The following ZFYVE28 variants were observed in gnomAD, a reference collection of about 807,000 sequenced individuals.
ZFYVE28 encodes the protein lateral signaling target protein 2 homolog.
ZFYVE28 carries 40 observed loss-of-function variants against 82.1 expected under a neutral mutation model. The ratio of observed to expected loss-of-function variants is 0.49; its 90% CI spans 0.38 to 0.63. ZFYVE28 has a LOEUF of 0.63. Ranked by LOEUF, ZFYVE28 falls within the 30% of genes least tolerant of loss-of-function variation. The pLI is 0.00. For missense variants in ZFYVE28, 1,321 were observed against 1,242.1 expected (o/e 1.06, Z -0.96); for synonymous variants, 612 against 546.1 (o/e 1.12, Z -1.68).
chr4:2,409,706 G>A lies in ZFYVE28; in HGVS notation c.39+8579C>T, dbSNP rs1264013074. Among the ~76,000 whole-genome samples, 1 of 152,254 alleles carries A rather than the reference G, an allele frequency of 6.6e-6. No individual in the cohort carries two copies. Among genetic ancestry groups the A allele is most frequent in the Non-Finnish European group, 1.5e-5 (1 of 68,052 alleles). On this transcript the variant is annotated intron_variant, in intron 1 of 12. Coordinates refer to ENST00000290974, the MANE Select transcript of ZFYVE28 (RefSeq NM_020972.3). This position sits in a 1 kb window ranked among gnomAD's most constrained non-coding sequence, Gnocchi z 4.4. ...ACACCCACGGTGGGGTGGGGGGGCTGACCCCTGCGGGCAGCTCTGTGGGAG... is the reference window on the plus strand; with the variant it reads ...ACACCCACGGTGGGGTGGGGGGGCTAACCCCTGCGGGCAGCTCTGTGGGAG...
intron 1 of ZFYVE28, among the ~76,000 whole-genome samples, chr4:2,385,453 G>A (rs1030392322): frequency 3.3e-5 from 5 of 152,198 alleles, no homozygotes; most frequent in African/African-American, 9.7e-5. Context: ...TCCTGACCCC[G>A]GCCTGCCAAA....
At chr4:2,384,715 T>C (rs910055879) in intron 1 of ZFYVE28, among the ~76,000 whole-genome samples, 1 of 152,162 alleles carries the variant, frequency 6.6e-6, no homozygotes, top group Non-Finnish European at 1.5e-5. Flanking sequence ...AGCCAAGACT[T>C]GTGAACAAAT....
At chr4:2,336,576 CT>C (rs1721734009) in intron 5 of ZFYVE28, among the ~76,000 whole-genome samples, 1 of 151,054 alleles carries the variant, frequency 6.6e-6, no homozygotes, top group African/African-American at 2.4e-5. Flanking sequence ...CCCCCACTCC[CT>C]AAAAAAGAAA....
At chr4:2,380,948 G>C (rs921442455) in intron 1 of ZFYVE28, among the ~76,000 whole-genome samples, 1 of 152,168 alleles carries the variant, frequency 6.6e-6, no homozygotes, top group Non-Finnish European at 1.5e-5. Flanking sequence ...CAGTACAGTG[G>C]GGTATTGCTG....
intron 8 of ZFYVE28, among the ~76,000 whole-genome samples, chr4:2,284,527 G>T (rs920357185): frequency 3.2e-4 from 49 of 152,296 alleles, no homozygotes; most frequent in African/African-American, 1.2e-3. Context: ...CCCAAGATGG[G>T]CTGAGCACAG....
At position 2,305,360 on chromosome 4, in the gene ZFYVE28, G is replaced by C; in HGVS notation, c.980C>G (p.Pro327Arg). 1.9e-6 allele frequency: 3 copies of C among 1,612,736 alleles called. No individual in the cohort carries two copies. The highest frequency in any genetic ancestry group is 2.5e-6 in the Non-Finnish European group (3 of 1,179,738). The change falls in exon 8 of 13, where the codon CCG becomes CGG. Residue 327 changes from proline to arginine, a missense_variant. Pro to Arg is a moderately radical substitution (Grantham distance 103, BLOSUM62 -2). Transcript: ENST00000290974. ...CATGGAGCAGGCCAGCTCTGCATCC[G>C]GGTCTTTGGCCTTAGCTGAGAGTGG... ...EGPLSAKAKD[P>R]DAELACSMQY...
intron 6 of ZFYVE28, among the ~76,000 whole-genome samples, chr4:2,329,640 G>A (rs1329860193): frequency 6.6e-6 from 1 of 152,128 alleles, no homozygotes; most frequent in East Asian, 1.9e-4. Context: ...AAAGAAGAAT[G>A]TTTATTGCTT....
intron 6 of ZFYVE28, chr4:2,330,506 G>T: frequency 3.5e-6 from 4 of 1,130,260 alleles, no homozygotes; most frequent in Non-Finnish European, 4.4e-6. Context: ...GTGCAGAGGA[G>T]CACAGGGGAG....
chr4:2,388,654 C>G (rs1560322975), intron 1 of ZFYVE28, among the ~76,000 whole-genome samples: 1 of 152,170 alleles, frequency 6.6e-6, no homozygotes, highest in Non-Finnish European at 1.5e-5. Flanking sequence ...GGAGAACGAA[C>G]ACGGTGGATG....
At chr4:2,297,804 G>A (rs1371822234) in intron 8 of ZFYVE28, among the ~76,000 whole-genome samples, 3 of 151,464 alleles carry the variant, frequency 2.0e-5, no homozygotes, top group Non-Finnish European at 4.4e-5. Flanking sequence ...AGGAACGGCA[G>A]AAGACGAGTG....
chr4:2,324,653 G>A (rs1010677082), intron 6 of ZFYVE28: 1 of 178,708 alleles, frequency 5.6e-6, no homozygotes, highest in Non-Finnish European at 1.2e-5. Flanking sequence ...AGGAACCTGT[G>A]TATAGCTGGA....
At chr4:2,275,766 A>G (rs1315803217) in intron 8 of ZFYVE28, among the ~76,000 whole-genome samples, 3 of 152,160 alleles carry the variant, frequency 2.0e-5, no homozygotes, top group African/African-American at 7.2e-5. Context: ...GGCTGTCTAC[A>G]CTCTGGAGCC....
At position 2,271,688 on chromosome 4, in the gene ZFYVE28, A is replaced by G. The variant is rs141348586; in HGVS notation, c.2415T>C (p.Asp805=). ...CCTCCCACACACCTTCAAAGTCCCC[A>G]TCGCGGGTCTTGGCTGCCAGTTCAG... The part of the protein sequence containing the change: ...SSSELAAKTR[D]GDFEDPPEWV... Residue 805 remains aspartate (D), a synonymous_variant, in exon 11 of 13, where the codon GAT becomes GAC. Coordinates refer to ENST00000290974, the MANE Select transcript of ZFYVE28 (RefSeq NM_020972.3). 238 of 1,613,870 alleles carry G rather than the reference A, an allele frequency of 1.5e-4. 2 individuals are homozygous for G. The African/African-American group carries it at 2.7e-3, about 18-fold the overall frequency.
rs528258045 is a variant in ZFYVE28, at chr4:2,370,609, C to T, written c.40-16536G>A. The stretch of plus-strand genomic sequence containing the variant: ...TCCTGCCGGCCCAGGGCCCAGAGCC[C>T]ACCAGTGAGATGCAGAGATGGGGCC... On this transcript the variant is annotated intron_variant, in intron 1 of 12. Transcript: ENST00000290974. Among the ~76,000 whole-genome samples the T allele has an allele frequency of 3.3e-5, 5 of 152,336 alleles. No homozygotes were observed. The East Asian group carries it at 9.7e-4, about 29-fold the overall frequency.
chr4:2,371,041 G>T (rs190931432), intron 1 of ZFYVE28, among the ~76,000 whole-genome samples: 59 of 152,338 alleles, frequency 3.9e-4, no homozygotes, highest in Middle Eastern at 6.8e-3. Flanking sequence ...GCCCGAGTCT[G>T]GCTCTTCTTC....
chr4:2,339,688 G>A lies in ZFYVE28; in HGVS notation c.319-33C>T, dbSNP rs781629064. ...AGGGGACACACTCAGGGAGGGGCCCGGGTGAGGGCCAGGCTCTCAGGGGTC... is the reference window on the plus strand; with the variant it reads ...AGGGGACACACTCAGGGAGGGGCCCAGGTGAGGGCCAGGCTCTCAGGGGTC... On this transcript the variant is annotated intron_variant, in intron 3 of 12. Coordinates refer to ENST00000290974, the MANE Select transcript of ZFYVE28 (RefSeq NM_020972.3). The surrounding 1 kb of genome is among the most constrained non-coding windows in gnomAD (Gnocchi z 5.0). 5.7e-5 allele frequency: 88 copies of A among 1,555,718 alleles called. No homozygotes were observed. The highest frequency in any genetic ancestry group is 2.2e-4 in the African/African-American group (16 of 73,642).
At chr4:2,377,498 C>T (rs188068728) in intron 1 of ZFYVE28, among the ~76,000 whole-genome samples, 49 of 152,282 alleles carry the variant, frequency 3.2e-4, no homozygotes, top group Middle Eastern at 3.4e-3. Flanking sequence ...AATGTTACAA[C>T]GAGCATCTGT....
chr4:2,342,719 G>T (rs1206527878), intron 2 of ZFYVE28: 4 of 152,136 alleles, frequency 2.6e-5, no homozygotes, highest in Non-Finnish European at 4.4e-5. Context: ...CTGTAAATTT[G>T]TCCTATTCTT....
At chr4:2,289,127 A>G (rs927677306) in intron 8 of ZFYVE28, among the ~76,000 whole-genome samples, 6 of 152,188 alleles carry the variant, frequency 3.9e-5, no homozygotes, top group Non-Finnish European at 7.3e-5. Flanking sequence ...TTCTAAAAAT[A>G]CAAAGGTTAG....
Sources: allele counts gnomAD v4.1 joint callset (sites outside exome capture counted in the v4.1 genomes callset), GRCh38; gene constraint gnomAD v4.1.1; non-coding constraint Gnocchi (gnomAD v3.1); transcripts MANE v1.5; gene names NCBI Gene and HGNC (gene_info 2026-07-23, HGNC 2026-07-21).